Variants in ANKLE2 observed in about 807,000 individuals in gnomAD.
The protein encoded by ANKLE2 is ankyrin repeat and LEM domain-containing protein 2.
Under a neutral mutation model 84.2 loss-of-function variants are expected in ANKLE2, and 55 were observed. That is an observed-to-expected ratio of 0.65 (90% CI 0.53 to 0.82). The LOEUF is 0.82. Among genes scored for constraint, ANKLE2 ranks in the 40% least tolerant of loss-of-function variants. ANKLE2 has a pLI of 0.00. For missense variants in ANKLE2, 1,238 were observed against 1,201.9 expected (o/e 1.03, Z -0.44); for synonymous variants, 551 against 486.1 (o/e 1.13, Z -1.76).
At chr12:132,755,200 T>A in intron 1 of ANKLE2, 67 bp from the exon 2 acceptor site, 1 of 1,380,258 alleles carries the variant, frequency 7.2e-7, no homozygotes, top group Non-Finnish European at 9.8e-7. Context: ...GGGTGATGGG[T>A]ACTAGGGTTC....
At chr12:132,735,703 AC>A (rs2043995296) in intron 8 of ANKLE2, among the ~76,000 whole-genome samples, 191 bp from the exon 9 acceptor site, 1 of 152,006 alleles carries the variant, frequency 6.6e-6, no homozygotes, top group South Asian at 2.1e-4. Context: ...CTGCACTCTG[AC>A]CTGGGGGAGG....
intron 10 of ANKLE2, among the ~76,000 whole-genome samples, chr12:132,732,719 T>G (rs1291643893): frequency 1.1e-3 from 84 of 77,840 alleles, no homozygotes; most frequent in East Asian, 2.3e-3. Context: ...CGTGTGAAGC[T>G]CTCTGCGTCC....
intron 6 of ANKLE2, chr12:132,742,687 T>G (rs1475569175): frequency 4.6e-4 from 3 of 6,532 alleles, no homozygotes; most frequent in African/African-American, 6.6e-4. Flanking sequence ...GCTTTCAGCA[T>G]CATCATCCTT....
intron 9 of ANKLE2, chr12:132,734,808 C>T: frequency 3.9e-6 from 2 of 508,458 alleles, no homozygotes; most frequent in East Asian, 7.4e-5. Flanking sequence ...GAACCGGCTG[C>T]AGGCAGGAAG....
At chr12:132,750,532 G>A (rs1258302769) in intron 3 of ANKLE2, 111 bp downstream of exon 3, 21 of 1,142,340 alleles carry the variant, frequency 1.8e-5, no homozygotes, top group South Asian at 7.5e-5. Flanking sequence ...AGACCCCATC[G>A]ACTCTACCCT....
intron 5 of ANKLE2, among the ~76,000 whole-genome samples, chr12:132,747,348 G>A (rs2044260223): frequency 6.8e-6 from 1 of 147,024 alleles, no homozygotes; most frequent in Non-Finnish European, 1.5e-5. Flanking sequence ...CTGCGTGTCA[G>A]GCAGCCTCTC....
rs1349027758 is a variant in ANKLE2, at chr12:132,748,005, T to C, written c.1057A>G (p.Asn353Asp). The change falls in exon 5 of 13, where the codon AAC (asparagine) becomes GAC (aspartate). Residue 353 changes from asparagine to aspartate, a missense_variant. By Grantham distance (23) the Asn-to-Asp change is conservative. Coordinates refer to ENST00000357997, the MANE Select transcript of ANKLE2 (RefSeq NM_015114.3). ...PTIVQEGCRY[N>D]VMHVAAKENQ... ...TCTTTGGCAGCAACATGCATCACGT[T>C]GTACCTGCACCCTTCCTGAAAGAGA... 6.2e-7 allele frequency: 1 copy of C among 1,601,476 alleles called. No individual in the cohort carries two copies. The highest frequency in any genetic ancestry group is 1.4e-5 in the African/African-American group (1 of 73,930).
chr12:132,736,112 C>T (rs368673356), intron 8 of ANKLE2, among the ~76,000 whole-genome samples: 6 of 152,212 alleles, frequency 3.9e-5, no homozygotes, highest in Non-Finnish European at 5.9e-5. Flanking sequence ...CCACCACGCC[C>T]GGCTAATTTT....
chr12:132,731,515 GACACACACTCACACACACACACAC>G (rs1331326490), intron 10 of ANKLE2: 1 of 147,208 alleles, frequency 6.8e-6, no homozygotes, highest in African/African-American at 2.6e-5. Flanking sequence ...AACTCACACA[GACACACACTCACACACACACACAC>G]ACAGTTTAAA....
intron 2 of ANKLE2, among the ~76,000 whole-genome samples, chr12:132,754,431 T>C (rs1391697158): frequency 6.6e-6 from 1 of 152,188 alleles, no homozygotes; most frequent in Non-Finnish European, 1.5e-5. Context: ...AATATTAATA[T>C]CTCAGTCCAG....
chr12:132,760,231 G>C (rs982444195), intron 1 of ANKLE2: 1 of 151,576 alleles, frequency 6.6e-6, no homozygotes, highest in African/African-American at 2.4e-5. Flanking sequence ...TCTCCGCAGT[G>C]ACTAACAGTC....
chr12:132,745,671 G>A (rs61951282), intron 5 of ANKLE2: 8,191 of 173,042 alleles, frequency 0.047, 325 homozygotes, highest in Admixed American at 0.13. Flanking sequence ...GTCTAAGGTC[G>A]TGGGTGACAG....
intron 3 of ANKLE2, 65 bp downstream of exon 3, chr12:132,750,578 A>C (rs374270145): frequency 6.4e-7 from 1 of 1,564,152 alleles, no homozygotes; most frequent in Non-Finnish European, 8.8e-7. Context: ...AGAGGAAAGA[A>C]GGCACAAAAC....
chr12:132,736,758 T>C, intron 8 of ANKLE2, 135 bp downstream of exon 8: 4 of 1,055,760 alleles, frequency 3.8e-6, no homozygotes, highest in South Asian at 1.7e-5. Flanking sequence ...GGTGGATGGT[T>C]TGAGATGAGG....
chr12:132,734,014 G>A (rs748104020), intron 10 of ANKLE2: 54 of 462,676 alleles, frequency 1.2e-4, no homozygotes, highest in South Asian at 4.0e-4. Flanking sequence ...CACTCTAGTG[G>A]ATCACGAGGT....
intron 4 of ANKLE2, 26 bp downstream of exon 4, chr12:132,748,112 T>C: frequency 6.2e-7 from 1 of 1,609,394 alleles, no homozygotes; most frequent in Non-Finnish European, 8.5e-7. Context: ...ACCGCACACC[T>C]GCCCGAGGGA....
intron 5 of ANKLE2, among the ~76,000 whole-genome samples, chr12:132,744,697 T>C (rs552331779): frequency 2.0e-5 from 3 of 152,306 alleles, no homozygotes; most frequent in East Asian, 3.9e-4. Context: ...GACTTTTTTT[T>C]TGAGACAGAG....
Position 132,727,295 on chromosome 12 carries a change from G to A in ANKLE2, c.2764C>T (p.His922Tyr), listed in dbSNP as rs760937847. Reference sequence around the variant, plus strand: ...GCCATCCTGCGGAGCTGGCTCCCGTGCACGGGGCTGTAGCGCCCAGGACTG... The same window carrying A: ...GCCATCCTGCGGAGCTGGCTCCCGTACACGGGGCTGTAGCGCCCAGGACTG... ...LGSPGRYSPVHGSQLRRMARL... is the reference protein window; with the variant it reads ...LGSPGRYSPVYGSQLRRMARL... The change falls in exon 13 of 13, where the codon CAC becomes TAC. Residue 922 changes from histidine to tyrosine, a missense_variant. His to Tyr is a moderately conservative substitution (Grantham distance 83). Transcript: ENST00000357997. 6.4e-7 allele frequency: 1 copy of A among 1,566,392 alleles called. No individual in the cohort carries two copies. Among genetic ancestry groups the A allele is most frequent in the South Asian group, 1.2e-5 (1 of 85,070 alleles).
At chr12:132,734,115 G>A in intron 10 of ANKLE2, 1 of 556,034 alleles carries the variant, frequency 1.8e-6, no homozygotes, top group South Asian at 1.6e-5. Context: ...CGTGGTGGCG[G>A]GCGCCTGTAG....
Sources: allele counts gnomAD v4.1 joint callset (sites outside exome capture counted in the v4.1 genomes callset), GRCh38; gene constraint gnomAD v4.1.1; transcripts MANE v1.5; gene names NCBI Gene and HGNC (gene_info 2026-07-23, HGNC 2026-07-21).